TSC22D1: variants seen among roughly 807,000 people sequenced by gnomAD.
TSC22D1 encodes TSC22 domain family protein 1.
Under a neutral mutation model 74.2 loss-of-function variants are expected in TSC22D1, and 9 were observed. The observed-to-expected ratio is 0.12, with a 90% CI of 0.07 to 0.21. TSC22D1 has a LOEUF of 0.21. TSC22D1 is among the 10% of genes least tolerant of loss of function. The probability of loss-of-function intolerance (pLI) is 1.00; values close to 1 mark genes in which losing one functional copy is unlikely to be tolerated. For synonymous variants in TSC22D1, 586 were observed against 492.5 expected (o/e 1.19, Z -2.51); for missense variants, 1,427 against 1,304.7 (o/e 1.09, Z -1.44).
chr13:44,547,228 A>C (rs1350643907), intron 1 of TSC22D1, among the ~76,000 whole-genome samples: 1 of 152,180 alleles, frequency 6.6e-6, no homozygotes, highest in Non-Finnish European at 1.5e-5. Context: ...CAGATGAAAA[A>C]TTTAGTCCAA....
chr13:44,554,630 C>CAAAAA (rs59922380), intron 1 of TSC22D1, among the ~76,000 whole-genome samples: 36 of 68,584 alleles, frequency 5.2e-4, no homozygotes, highest in East Asian at 1.5e-3. Flanking sequence ...ATACCAGGAA[C>CAAAAA]AAAAAAAAAA....
chr13:44,480,730 A>G (rs1441367883), intron 1 of TSC22D1, among the ~76,000 whole-genome samples: 1 of 152,198 alleles, frequency 6.6e-6, no homozygotes, highest in Non-Finnish European at 1.5e-5. Context: ...GAATTTCTAC[A>G]AAGGAGTCCA....
At chr13:44,483,667 C>CA (rs36015133) in intron 1 of TSC22D1, among the ~76,000 whole-genome samples, 2,920 of 63,600 alleles carry the variant, frequency 0.046, 36 homozygotes, top group Middle Eastern at 0.075. Flanking sequence ...GACTCCGTCT[C>CA]AAAAAAAAAA....
At chr13:44,539,100 G>T in intron 1 of TSC22D1, 1 of 985,270 alleles carries the variant, frequency 1.0e-6, no homozygotes, top group African/African-American at 1.7e-5. Context: ...GGGAAATCTA[G>T]GAAAGGGTTC....
At chr13:44,483,667 C>CAAA (rs36015133) in intron 1 of TSC22D1, among the ~76,000 whole-genome samples, 1,775 of 64,052 alleles carry the variant, frequency 0.028, 43 homozygotes, top group African/African-American at 0.087. Flanking sequence ...GACTCCGTCT[C>CAAA]AAAAAAAAAA....
At chr13:44,490,483 GAATA>G (rs1878647982) in intron 1 of TSC22D1, among the ~76,000 whole-genome samples, 1 of 150,298 alleles carries the variant, frequency 6.7e-6, no homozygotes, top group Admixed American at 6.6e-5. Context: ...AAATAATTCT[GAATA>G]ATTAAAGATA....
chr13:44,567,618 C>A (rs207473724), intron 1 of TSC22D1, among the ~76,000 whole-genome samples: 4 of 151,610 alleles, frequency 2.6e-5, no homozygotes, highest in Non-Finnish European at 5.9e-5. Flanking sequence ...AAAAAAAGTT[C>A]TTGGAATTTA....
chr13:44,436,536 C>A (rs961479521), intron 1 of TSC22D1: 1 of 1,614,138 alleles, frequency 6.2e-7, no homozygotes, highest in Non-Finnish European at 8.5e-7. Flanking sequence ...CGTTTTCAGT[C>A]CCCAGCAAGG....
chr13:44,521,354 C>A (rs950560762), intron 1 of TSC22D1, among the ~76,000 whole-genome samples: 1 of 152,032 alleles, frequency 6.6e-6, no homozygotes, highest in Non-Finnish European at 1.5e-5. Context: ...ATTACTGTAT[C>A]ATTTGTGGGG....
At chr13:44,537,563 A>G in intron 1 of TSC22D1, 1 of 985,074 alleles carries the variant, frequency 1.0e-6, no homozygotes, top group African/African-American at 1.7e-5. Context: ...TATCATTTTT[A>G]GTTCCTTCAG....
chr13:44,444,654 C>A (rs955410875), intron 1 of TSC22D1, among the ~76,000 whole-genome samples: 9 of 152,036 alleles, frequency 5.9e-5, no homozygotes, highest in African/African-American at 2.2e-4. Flanking sequence ...AAATCAATAA[C>A]ATGAGATTAT....
At chr13:44,477,245 G>T (rs1291431796) in intron 1 of TSC22D1, among the ~76,000 whole-genome samples, 1 of 152,138 alleles carries the variant, frequency 6.6e-6, no homozygotes, top group East Asian at 1.9e-4. Context: ...GAGCCACCAT[G>T]CCTGGCCAAC....
At chr13:44,482,063 TTCATA>T (rs1012765776) in intron 1 of TSC22D1, among the ~76,000 whole-genome samples, 94 of 152,318 alleles carry the variant, frequency 6.2e-4, no homozygotes, top group African/African-American at 2.2e-3. Context: ...TATTTTTATT[TTCATA>T]TAAGTAATAT....
intron 1 of TSC22D1, among the ~76,000 whole-genome samples, chr13:44,463,545 A>T (rs1030483000): frequency 2.6e-5 from 4 of 152,196 alleles, no homozygotes; most frequent in Non-Finnish European, 4.4e-5. Context: ...TTCACTGTTG[A>T]ATTTCATTAG....
chr13:44,495,864 A>C (rs1878948650), intron 1 of TSC22D1, among the ~76,000 whole-genome samples: 1 of 152,208 alleles, frequency 6.6e-6, no homozygotes, highest in African/African-American at 2.4e-5. Context: ...CAATGAACTA[A>C]ATGTAACAGT....
chr13:44,434,625 G>A lies in TSC22D1; in HGVS notation c.*1C>T. ...AGCCAGTTCTGCGGGGGCATAGGCA[G>A]CTATGCGGTTGGTCCTGAGCCCTGC... On this transcript the variant is annotated 3_prime_UTR_variant, in exon 3 of 3. Coordinates refer to ENST00000458659, the MANE Select transcript of TSC22D1 (RefSeq NM_183422.4). The A allele has an allele frequency of 1.3e-6, 2 of 1,527,582 alleles. No individual in the cohort carries two copies. Among genetic ancestry groups the A allele is most frequent in the Non-Finnish European group, 1.8e-6 (2 of 1,140,964 alleles). 94.6% of individuals were successfully genotyped at this position (1,527,582 alleles called of 1,614,324 possible). A position where few individuals can be genotyped will look rare whatever the true frequency, so the allele number is the denominator to read the frequency against.
Position 44,552,988 on chromosome 13 carries a change from AAAAC to A in TSC22D1, c.2912+20171_2912+20174del, listed in dbSNP as rs199965859. 1.0e-3 allele frequency among the ~76,000 whole-genome samples: 159 copies of A among 151,834 alleles called. 3 individuals carry two copies. The East Asian group carries it at 0.021, about 20-fold the overall frequency. On this transcript the variant is annotated intron_variant, in intron 1 of 2. Transcript: ENST00000458659. ...GGGCGACATAGCGCGACTCCATCTCAAAACAAACAAACAAACAAACAAAACGAAA... is the reference window on the plus strand; with the variant it reads ...GGGCGACATAGCGCGACTCCATCTCAAAACAAACAAACAAACAAAACGAAA...
chr13:44,471,661 C>T (rs1004396830), intron 1 of TSC22D1, among the ~76,000 whole-genome samples: 1 of 152,168 alleles, frequency 6.6e-6, no homozygotes, highest in African/African-American at 2.4e-5. Context: ...AATTAAAATA[C>T]AGAACCACTG....
chr13:44,527,181 T>A (rs988457268), intron 1 of TSC22D1, among the ~76,000 whole-genome samples: 1 of 152,052 alleles, frequency 6.6e-6, no homozygotes, highest in Non-Finnish European at 1.5e-5. Context: ...AAAAAAATGT[T>A]AAAAGTTCTT....
Sources: gnomAD v4.1 joint callset for allele counts (sites outside exome capture counted in the v4.1 genomes callset) on GRCh38, gnomAD v4.1.1 for gene constraint, MANE v1.5 for transcripts, NCBI Gene and HGNC (gene_info 2026-07-23, HGNC 2026-07-21) for gene names.